NRXN2: variants seen among roughly 807,000 people sequenced by gnomAD.
NRXN2 encodes neurexin 2.
In NRXN2, 29 loss-of-function variants were observed where a neutral mutation model predicts 128.8. The observed-to-expected ratio is 0.23, with a 90% CI of 0.17 to 0.31. NRXN2 has a LOEUF of 0.31. Ranked by LOEUF, NRXN2 falls within the 10% of genes least tolerant of loss-of-function variation. The pLI is 1.00. For synonymous variants in NRXN2, 1,098 were observed against 1,075.2 expected (o/e 1.02, Z -0.41); for missense variants, 1,881 against 2,452.6 (o/e 0.77, Z 4.92).
Position 64,630,706 on chromosome 11 carries a change from G to A in NRXN2, c.3586-133C>T. Reference sequence around the variant, plus strand: ...CCTTTCCCAGGTCTCAACCGCTGGAGGAGGTGGGCAGGCTCGCTCCCCTTC... The same window carrying A: ...CCTTTCCCAGGTCTCAACCGCTGGAAGAGGTGGGCAGGCTCGCTCCCCTTC... On this transcript the variant is annotated intron_variant, in intron 18 of 22. Coordinates refer to ENST00000265459, the MANE Select transcript of NRXN2 (RefSeq NM_015080.4). The surrounding 1 kb of genome is among the most constrained non-coding windows in gnomAD (Gnocchi z 4.6). 6 of 1,055,648 alleles carry A rather than the reference G, an allele frequency of 5.7e-6. No individual in the cohort carries two copies. The highest frequency in any genetic ancestry group is 8.4e-6 in the Non-Finnish European group (6 of 710,136). 65.4% of individuals were successfully genotyped at this position (1,055,648 alleles called of 1,614,324 possible). A position where few individuals can be genotyped will look rare whatever the true frequency, so the allele number is the denominator to read the frequency against.
intron 19 of NRXN2, among the ~76,000 whole-genome samples, chr11:64,628,285 C>T (rs938536571): frequency 1.3e-5 from 2 of 152,176 alleles, no homozygotes; most frequent in Admixed American, 1.3e-4. Context: ...AGGTTACACG[C>T]TTGTCAGTGG....
At chr11:64,615,829 C>CGTGT (rs34781745) in intron 22 of NRXN2, among the ~76,000 whole-genome samples, 95 of 139,102 alleles carry the variant, frequency 6.8e-4, no homozygotes, top group East Asian at 2.5e-3. Flanking sequence ...TAGGCCCAAG[C>CGTGT]GTGTGTGTGT....
Position 64,616,941 on chromosome 11 carries a change from A to C in NRXN2, c.4252+3353T>G, listed in dbSNP as rs148441319. Among the ~76,000 whole-genome samples the C allele has an allele frequency of 4.3e-4, 66 of 152,318 alleles. 1 individual carries two copies. The highest frequency in any genetic ancestry group is 6.8e-4 in the Non-Finnish European group (46 of 68,030). ...CTCTGCGGCTATTTCTGGAGCTCTAAGCACACACATGCAAGAGTTGGTAGC... is the reference window on the plus strand; with the variant it reads ...CTCTGCGGCTATTTCTGGAGCTCTACGCACACACATGCAAGAGTTGGTAGC... On this transcript the variant is annotated intron_variant, in intron 22 of 22. Coordinates refer to ENST00000265459, the MANE Select transcript of NRXN2 (RefSeq NM_015080.4).
chr11:64,655,487 T>C (rs916858084), intron 11 of NRXN2, among the ~76,000 whole-genome samples: 2 of 151,302 alleles, frequency 1.3e-5, no homozygotes, highest in African/African-American at 4.9e-5. Context: ...TGCCAGGCCC[T>C]GGAGTCAGGT....
At chr11:64,691,656 A>G (rs1428023651) in intron 4 of NRXN2, among the ~76,000 whole-genome samples, 2 of 152,136 alleles carry the variant, frequency 1.3e-5, no homozygotes, top group African/African-American at 2.4e-5. Flanking sequence ...GCCAGCACCC[A>G]TAGAACCAGG....
At position 64,660,500 on chromosome 11, in the gene NRXN2, T is replaced by G. The variant is rs780208602; in HGVS notation, c.2221A>C (p.Met741Leu). ...ATGGCGTTAGGCAGCATGATCTTCATGTACATGGAGCCATCGTAGCTCAGG... is the reference window on the plus strand; with the variant it reads ...ATGGCGTTAGGCAGCATGATCTTCAGGTACATGGAGCCATCGTAGCTCAGG... ...TVLSYDGSMY[M>L]KIMLPNAMHT... The change falls in exon 11 of 23, where the codon ATG (methionine) becomes CTG (leucine). Residue 741 changes from methionine to leucine, a missense_variant. By Grantham distance (15) the Met-to-Leu change is conservative. Transcript: ENST00000265459. This position sits in a 1 kb window ranked among gnomAD's most constrained non-coding sequence, Gnocchi z 5.2. 1.8e-5 allele frequency: 29 copies of G among 1,614,034 alleles called. No homozygotes were observed. The highest frequency in any genetic ancestry group is 2.2e-5 in the Non-Finnish European group (26 of 1,180,028).
chr11:64,637,729 G>C, intron 17 of NRXN2, among the ~76,000 whole-genome samples: 1 of 152,140 alleles, frequency 6.6e-6, no homozygotes, highest in Non-Finnish European at 1.5e-5. Context: ...CCTCAGACCA[G>C]GGAAGGAAAC....
chr11:64,644,063 G>A (rs1403853227), intron 17 of NRXN2, among the ~76,000 whole-genome samples: 2 of 151,996 alleles, frequency 1.3e-5, no homozygotes, highest in Non-Finnish European at 2.9e-5. Flanking sequence ...ACACATACAT[G>A]CATGCATGTG....
At position 64,713,515 on chromosome 11, in the gene NRXN2, G is replaced by C; in HGVS notation, c.185C>G (p.Thr62Arg). Residue 62 changes from threonine (T) to arginine (R), a missense_variant, in exon 2 of 23, where the codon ACG becomes AGG. Coordinates refer to ENST00000265459, the MANE Select transcript of NRXN2 (RefSeq NM_015080.4). ...GTCCAGGTAGAGCAGCAGCGCGCGC[G>C]TGGCGTTGGTGCGCAGGCTGAAGCT... Reference protein sequence around the residue: ...ELSFSLRTNATRALLLYLDDG... With the variant: ...ELSFSLRTNARRALLLYLDDG... The C allele has an allele frequency of 1.3e-6, 2 of 1,511,810 alleles. No individual in the cohort carries two copies. Among genetic ancestry groups the C allele is most frequent in the Non-Finnish European group, 1.8e-6 (2 of 1,138,204 alleles). 93.6% of individuals were successfully genotyped at this position (1,511,810 alleles called of 1,614,324 possible).
intron 2 of NRXN2, 199 bp downstream of exon 2, chr11:64,712,771 A>G: frequency 1.7e-6 from 1 of 575,554 alleles, no homozygotes; most frequent in East Asian, 4.2e-5. Flanking sequence ...GGCCCCGCCC[A>G]CTCGCCCCGC....
chr11:64,616,496 G>A (rs1468154102), intron 22 of NRXN2, among the ~76,000 whole-genome samples: 2 of 152,166 alleles, frequency 1.3e-5, no homozygotes. Context: ...CTGAGCACCT[G>A]TGTGTGTTAC....
At chr11:64,672,917 A>G (rs2050818938) in intron 7 of NRXN2, among the ~76,000 whole-genome samples, 1 of 152,174 alleles carries the variant, frequency 6.6e-6, no homozygotes, top group African/African-American at 2.4e-5. Context: ...AATAGAGAGG[A>G]AAGAGGTCAG....
rs543430818 is a variant in NRXN2 at position 64,712,612 on chromosome 11, C to A, written c.730+358G>T. 5.0e-4 allele frequency: 231 copies of A among 459,518 alleles called. 1 individual carries two copies. Among genetic ancestry groups the A allele is most frequent in the South Asian group, 3.8e-3 (221 of 58,170 alleles). The allele number at this position is 459,518 out of a possible 1,614,324, so 28.5% of individuals were successfully genotyped here. A position where few individuals can be genotyped will look rare whatever the true frequency, so the allele number is the denominator to read the frequency against. On this transcript the variant is annotated intron_variant, in intron 2 of 22. Transcript: ENST00000265459. ...AATGGGCCCTGTCCACGCAGACCCCCACCCACAAGCCTTCACGAACGCCTC... is the reference window on the plus strand; with the variant it reads ...AATGGGCCCTGTCCACGCAGACCCCAACCCACAAGCCTTCACGAACGCCTC...
chr11:64,667,770 G>A lies in NRXN2; in HGVS notation c.1360-82C>T, dbSNP rs1427993375. The stretch of plus-strand genomic sequence containing the variant: ...CACTCCCACCCAGCAGCGAGCACCA[G>A]GGGACCCAGCCACCCACCCCTGTAG... On this transcript the variant is annotated intron_variant, in intron 8 of 22. Transcript: ENST00000265459. The surrounding 1 kb of genome is among the most constrained non-coding windows in gnomAD (Gnocchi z 5.6). 3 of 1,394,674 alleles carry A rather than the reference G, an allele frequency of 2.2e-6. No homozygotes were observed. Among genetic ancestry groups the A allele is most frequent in the Non-Finnish European group, 3.0e-6 (3 of 998,478 alleles). The allele number at this position is 1,394,674 out of a possible 1,614,324, so 86.4% of individuals were successfully genotyped here. A position where few individuals can be genotyped will look rare whatever the true frequency, so the allele number is the denominator to read the frequency against.
At chr11:64,704,998 G>C (rs936340684) in intron 2 of NRXN2, among the ~76,000 whole-genome samples, 9 of 152,180 alleles carry the variant, frequency 5.9e-5, no homozygotes, top group Admixed American at 1.3e-4. Context: ...TGCTCTCTGG[G>C]ATGGGTTCCT....
chr11:64,656,048 A>C (rs139385962), intron 11 of NRXN2: 2 of 151,912 alleles, frequency 1.3e-5, no homozygotes, highest in Non-Finnish European at 3.0e-5. Context: ...ATGGAAAGGA[A>C]CTCAGGGGAA....
rs376505294 is a variant in NRXN2 at position 64,616,212 on chromosome 11, C to T, written c.4252+4082G>A. Among the ~76,000 whole-genome samples the T allele has an allele frequency of 1.6e-4, 25 of 152,244 alleles. No individual in the cohort carries two copies. In the South Asian group the frequency reaches 5.2e-3, roughly 32 times the overall value. ...GCACATTTGTGTACATGTGGGCATGCCTCTGGGGGTTGGACACACATGTTG... is the reference window on the plus strand; with the variant it reads ...GCACATTTGTGTACATGTGGGCATGTCTCTGGGGGTTGGACACACATGTTG... On this transcript the variant is annotated intron_variant, in intron 22 of 22. Transcript: ENST00000265459.
intron 17 of NRXN2, among the ~76,000 whole-genome samples, chr11:64,641,085 A>G (rs1411470456): frequency 6.6e-6 from 1 of 152,180 alleles, no homozygotes; most frequent in African/African-American, 2.4e-5. Context: ...TGATGAAGGC[A>G]CAGCGATGAG....
chr11:64,702,748 T>C (rs1249070909), intron 2 of NRXN2, among the ~76,000 whole-genome samples: 19 of 144,590 alleles, frequency 1.3e-4, no homozygotes, highest in African/African-American at 4.6e-4. Context: ...ACTATTGTCC[T>C]GTGACCCTGC....
Sources: allele counts gnomAD v4.1 joint callset (sites outside exome capture counted in the v4.1 genomes callset), GRCh38; gene constraint gnomAD v4.1.1; non-coding constraint Gnocchi (gnomAD v3.1); transcripts MANE v1.5; gene names NCBI Gene and HGNC (gene_info 2026-07-23, HGNC 2026-07-21).